Variants in APBB2 observed in about 807,000 individuals in gnomAD.
The protein encoded by APBB2 is Fe65-like 1.
In APBB2, 38 loss-of-function variants were observed where a neutral mutation model predicts 82.5. The ratio of observed to expected loss-of-function variants is 0.46; its 90% confidence interval spans 0.36 to 0.60. The LOEUF (loss-of-function observed/expected upper bound fraction) is 0.60, where lower values mean the gene tolerates loss of function less well. Ranked by LOEUF, APBB2 falls within the 20% of genes least tolerant of loss-of-function variation. The probability of loss-of-function intolerance (pLI) is 0.00; values close to 1 mark genes in which losing one functional copy is unlikely to be tolerated. For missense variants in APBB2, 772 were observed against 972.3 expected (o/e 0.79, Z 2.74); for synonymous variants, 341 against 368.2 (o/e 0.93, Z 0.85).
chr4:40,908,883 C>T (rs995462660), intron 10 of APBB2, among the ~76,000 whole-genome samples: 1 of 152,222 alleles, frequency 6.6e-6, no homozygotes, highest in Non-Finnish European at 1.5e-5. Context: ...CACCCAACAC[C>T]TGCTAACAGA....
chr4:41,170,239 A>T (rs943235338), intron 1 of APBB2, among the ~76,000 whole-genome samples: 159 of 152,304 alleles, frequency 1.0e-3, no homozygotes, highest in African/African-American at 3.6e-3. Context: ...GATGATTTTT[A>T]AAATTAATAT....
At chr4:40,896,371 A>G (rs1387968341) in intron 10 of APBB2, among the ~76,000 whole-genome samples, 4 of 152,232 alleles carry the variant, frequency 2.6e-5, no homozygotes, top group Non-Finnish European at 2.9e-5. Flanking sequence ...AACTCAATAC[A>G]GTTCTGAGCG....
intron 6 of APBB2, among the ~76,000 whole-genome samples, chr4:41,004,569 G>A (rs950794855): frequency 3.3e-5 from 5 of 151,180 alleles, no homozygotes; most frequent in African/African-American, 4.9e-5. Context: ...GGCCGGGCAC[G>A]ATGGTTCACG....
At chr4:40,921,987 T>C (rs1260519941) in intron 10 of APBB2, among the ~76,000 whole-genome samples, 1 of 152,200 alleles carries the variant, frequency 6.6e-6, no homozygotes, top group Admixed American at 6.5e-5. Flanking sequence ...ACACATATCC[T>C]ATTGGTGCCA....
At chr4:41,200,078 A>T (rs1408747244) in intron 1 of APBB2, among the ~76,000 whole-genome samples, 1 of 152,226 alleles carries the variant, frequency 6.6e-6, no homozygotes, top group Non-Finnish European at 1.5e-5. Flanking sequence ...TTTGAATGAC[A>T]TCAGACACAA....
intron 1 of APBB2, among the ~76,000 whole-genome samples, chr4:41,153,094 A>G (rs1469271094): frequency 6.6e-6 from 1 of 152,094 alleles, no homozygotes; most frequent in East Asian, 1.9e-4. Flanking sequence ...ATTTTAGAGT[A>G]TTTTCAATTT....
chr4:40,972,377 G>A (rs1022328349), intron 6 of APBB2, among the ~76,000 whole-genome samples: 5 of 151,160 alleles, frequency 3.3e-5, no homozygotes, highest in Admixed American at 6.6e-5. Context: ...GCAGTGAGCC[G>A]AGATGGCGCC....
chr4:40,893,776 C>A (rs948831645), intron 10 of APBB2, among the ~76,000 whole-genome samples: 2 of 151,400 alleles, frequency 1.3e-5, no homozygotes, highest in Non-Finnish European at 2.9e-5. Flanking sequence ...GGGCTTGAGA[C>A]CAGCCTGGCC....
intron 1 of APBB2, among the ~76,000 whole-genome samples, chr4:41,161,950 C>A (rs1177638803): frequency 6.6e-6 from 1 of 152,156 alleles, no homozygotes; most frequent in Admixed American, 6.5e-5. Flanking sequence ...TGATTATTAA[C>A]TCATGGGGAA....
At chr4:41,122,846 G>A (rs935791079) in intron 2 of APBB2, among the ~76,000 whole-genome samples, 3 of 152,116 alleles carry the variant, frequency 2.0e-5, no homozygotes, top group Middle Eastern at 3.4e-3. Context: ...CTGCCCTGCC[G>A]TGCCATGCCC....
rs150653221 is a variant in APBB2, at chr4:41,065,296, G to C, written c.-51+280C>G. ...CAAGACCCTGTCTCAAAAAAGAAAA[G>C]AAAAATTTGGAAAAAAAGAATGGAT... On this transcript the variant is annotated intron_variant, in intron 4 of 17. Transcript: ENST00000508593. Among the ~76,000 whole-genome samples the C allele has an allele frequency of 1.2e-4, 18 of 152,046 alleles. No individual in the cohort carries two copies. The East Asian group carries it at 3.3e-3, about 28-fold the overall frequency.
At position 40,982,295 on chromosome 4, in the gene APBB2, AAGGAAG is replaced by A. The variant is rs1436694744; in HGVS notation, c.835+31282_835+31287del. On this transcript the variant is annotated intron_variant, in intron 6 of 17. Coordinates refer to ENST00000508593, the MANE Select transcript of APBB2 (RefSeq NM_004307.2). ...GAAAGAAAGAAAGAAGGAAGGAAGG[AAGGAAG>A]GAAGGAAAGAAAGAAAGAAAGAAAA... is the stretch of plus-strand genomic sequence containing the variant. Among the ~76,000 whole-genome samples the A allele has an allele frequency of 3.7e-4, 16 of 42,762 alleles. 1 individual carries two copies. The highest frequency in any genetic ancestry group is 2.0e-3 in the African/African-American group (16 of 7,942). 28.1% of individuals were successfully genotyped at this position (42,762 alleles called of 152,430 possible). A position where few individuals can be genotyped will look rare whatever the true frequency, so the allele number is the denominator to read the frequency against.
intron 12 of APBB2, among the ~76,000 whole-genome samples, chr4:40,883,160 G>C (rs1444020545): frequency 6.6e-6 from 1 of 152,210 alleles, no homozygotes; most frequent in Non-Finnish European, 1.5e-5. Context: ...ACTGAAGCCA[G>C]TGGACTGCAG....
At chr4:40,905,227 T>C (rs1258745674) in intron 10 of APBB2, among the ~76,000 whole-genome samples, 1 of 152,178 alleles carries the variant, frequency 6.6e-6, no homozygotes, top group Non-Finnish European at 1.5e-5. Flanking sequence ...CACTAATGGC[T>C]GGTCCCTTCA....
intron 2 of APBB2, among the ~76,000 whole-genome samples, chr4:41,102,640 T>G (rs1185643703): frequency 6.6e-6 from 1 of 152,178 alleles, no homozygotes; most frequent in East Asian, 1.9e-4. Flanking sequence ...TGACTTCGGT[T>G]TCCACCAGTG....
intron 7 of APBB2, among the ~76,000 whole-genome samples, chr4:40,938,563 C>T (rs1015158917): frequency 6.6e-6 from 1 of 152,198 alleles, no homozygotes; most frequent in Non-Finnish European, 1.5e-5. Flanking sequence ...GGAGTTGATT[C>T]TTTGACAATA....
intron 1 of APBB2, among the ~76,000 whole-genome samples, chr4:41,190,748 G>T (rs1361244960): frequency 6.6e-6 from 1 of 152,108 alleles, no homozygotes; most frequent in Non-Finnish European, 1.5e-5. Context: ...AACACGGCTT[G>T]ACTCCTGGAG....
At position 41,057,345 on chromosome 4, in the gene APBB2, G is replaced by C. The variant is rs150162318; in HGVS notation, c.-51+8231C>G. 2.7e-3 allele frequency among the ~76,000 whole-genome samples: 418 copies of C among 152,282 alleles called. 2 individuals carry two copies. The highest frequency in any genetic ancestry group is 9.5e-3 in the African/African-American group (395 of 41,544). On this transcript the variant is annotated intron_variant, in intron 4 of 17. Transcript: ENST00000508593. Reference sequence around the variant, plus strand: ...GGGCACCTGTAATCCCAGCTACTCAGGAGGCTGAGGCAGGAGAATCACTTG... The same window carrying C: ...GGGCACCTGTAATCCCAGCTACTCACGAGGCTGAGGCAGGAGAATCACTTG...
At position 40,832,105 on chromosome 4, in the gene APBB2, C is replaced by G. The variant is rs1161653565; in HGVS notation, c.1530-1528G>C. Reference sequence around the variant, plus strand: ...ATGGATCACAGTGATTTATTTGCATCTGATGCTAAGCCAGGATACTGTCTG... The same window carrying G: ...ATGGATCACAGTGATTTATTTGCATGTGATGCTAAGCCAGGATACTGTCTG... On this transcript the variant is annotated intron_variant, in intron 12 of 17. Coordinates refer to ENST00000508593, the MANE Select transcript of APBB2 (RefSeq NM_004307.2). The surrounding 1 kb of genome is among the most constrained non-coding windows in gnomAD (Gnocchi z 4.8). Among the ~76,000 whole-genome samples the G allele has an allele frequency of 4.6e-5, 7 of 151,152 alleles. No individual in the cohort carries two copies. The East Asian group carries it at 1.4e-3, about 29-fold the overall frequency.
Sources: gnomAD v4.1 joint callset for allele counts (sites outside exome capture counted in the v4.1 genomes callset) on GRCh38, gnomAD v4.1.1 for gene constraint, Gnocchi (gnomAD v3.1) non-coding constraint, MANE v1.5 for transcripts, NCBI Gene and HGNC (gene_info 2026-07-23, HGNC 2026-07-21) for gene names.